Variants in CNTN6 observed in about 807,000 individuals in gnomAD.
The protein encoded by CNTN6 is contactin 6, also known as contactin-6.
A neutral mutation model predicts 122.8 loss-of-function variants in CNTN6; 137 were observed. The observed-to-expected ratio is 1.12, with a 90% confidence interval of 0.97 to 1.29. CNTN6 has a LOEUF of 1.29. Among genes scored for constraint, CNTN6 ranks in the 50% most tolerant of loss-of-function variants. The pLI is 0.00. For missense variants in CNTN6, 1,634 were observed against 1,223.4 expected (o/e 1.34, Z -5.01); for synonymous variants, 570 against 426.0 (o/e 1.34, Z -4.16).
chr3:1,195,902 T>G (rs1227139609), intron 2 of CNTN6, among the ~76,000 whole-genome samples: 1 of 152,166 alleles, frequency 6.6e-6, no homozygotes, highest in Non-Finnish European at 1.5e-5. Flanking sequence ...AAGAGAAGTT[T>G]TTTTTTTATT....
intron 1 of CNTN6, among the ~76,000 whole-genome samples, chr3:1,112,463 C>G (rs1574887882): frequency 6.6e-6 from 1 of 152,084 alleles, no homozygotes. Flanking sequence ...AACCTGAGAA[C>G]CTGGAGTGCT....
intron 2 of CNTN6, among the ~76,000 whole-genome samples, chr3:1,168,373 AC>A (rs2125281346): frequency 6.7e-6 from 1 of 148,398 alleles, no homozygotes; most frequent in Admixed American, 6.9e-5. Flanking sequence ...TGAGCAGTGC[AC>A]ATCTAGTATG....
At chr3:1,392,774 G>T (rs1304935482) in intron 20 of CNTN6, among the ~76,000 whole-genome samples, 1 of 141,382 alleles carries the variant, frequency 7.1e-6, no homozygotes, top group African/African-American at 2.6e-5. Context: ...CTCAAAAGAA[G>T]ACATTTATGC....
intron 2 of CNTN6, among the ~76,000 whole-genome samples, chr3:1,156,908 C>A (rs541243292): frequency 6.6e-6 from 1 of 151,980 alleles, no homozygotes; most frequent in East Asian, 1.9e-4. Context: ...GTAGAGACTG[C>A]CTCTCACTGT....
At chr3:1,374,235 G>A (rs1326156129) in intron 16 of CNTN6, among the ~76,000 whole-genome samples, 162 bp downstream of exon 16, 1 of 152,000 alleles carries the variant, frequency 6.6e-6, no homozygotes, top group Non-Finnish European at 1.5e-5. Flanking sequence ...CACAAGGCAA[G>A]GTGTATTTTC....
intron 12 of CNTN6, among the ~76,000 whole-genome samples, chr3:1,354,449 A>T (rs867918040): frequency 3.3e-5 from 5 of 150,492 alleles, no homozygotes; most frequent in Admixed American, 2.7e-4. Flanking sequence ...AAACAAAATT[A>T]TCCCACTAGG....
At position 1,322,564 on chromosome 3, in the gene CNTN6, A is replaced by C. The variant is rs1281720346; in HGVS notation, c.946+730A>C. On this transcript the variant is annotated intron_variant, in intron 8 of 22. Transcript: ENST00000446702. ...TAGATAATTTTTAAAAAGTATTGAT[A>C]TATGGCCAAAATACTTTCCTATGTG... Among the ~76,000 whole-genome samples the C allele has an allele frequency of 2.6e-5, 4 of 151,880 alleles. 1 individual carries two copies. The highest frequency in any genetic ancestry group is 1.3e-4 in the Admixed American group (2 of 15,194).
chr3:1,297,370 A>G (rs1345518613), intron 6 of CNTN6, among the ~76,000 whole-genome samples: 1 of 152,174 alleles, frequency 6.6e-6, no homozygotes, highest in Non-Finnish European at 1.5e-5. Context: ...GTGTATTTAC[A>G]ATAGGTTATA....
At chr3:1,329,686 C>A in intron 10 of CNTN6, 99 bp from the exon 11 acceptor site, 1 of 978,338 alleles carries the variant, frequency 1.0e-6, no homozygotes, top group South Asian at 2.0e-5. Flanking sequence ...GAGGATACAG[C>A]TATAAATATT....
At chr3:1,304,420 A>G (rs915370088) in intron 7 of CNTN6, among the ~76,000 whole-genome samples, 1 of 152,226 alleles carries the variant, frequency 6.6e-6, no homozygotes, top group Non-Finnish European at 1.5e-5. Flanking sequence ...TGGGATTCAA[A>G]TCTACATCTC....
At chr3:1,268,645 C>A (rs902351070) in intron 4 of CNTN6, among the ~76,000 whole-genome samples, 3 of 150,262 alleles carry the variant, frequency 2.0e-5, no homozygotes, top group Non-Finnish European at 4.4e-5. Flanking sequence ...TGTGGCAGTT[C>A]TTGGAATAAA....
intron 5 of CNTN6, among the ~76,000 whole-genome samples, chr3:1,284,756 C>T (rs998146087): frequency 2.0e-5 from 3 of 152,224 alleles, no homozygotes; most frequent in Middle Eastern, 3.4e-3. Flanking sequence ...GGTTTCACTG[C>T]TATTTGAGCA....
intron 20 of CNTN6, among the ~76,000 whole-genome samples, chr3:1,387,994 C>T (rs540951544): frequency 5.3e-5 from 8 of 152,134 alleles, no homozygotes; most frequent in Admixed American, 1.3e-4. Context: ...GAGGGGCGCC[C>T]GCCATTGGCC....
intron 7 of CNTN6, among the ~76,000 whole-genome samples, chr3:1,319,134 T>C (rs914094429): frequency 6.6e-5 from 10 of 151,628 alleles, no homozygotes; most frequent in Non-Finnish European, 1.3e-4. Flanking sequence ...GATCCACTTT[T>C]GTAAAGTAAC....
intron 5 of CNTN6, among the ~76,000 whole-genome samples, chr3:1,280,534 G>C (rs1693213002): frequency 7.5e-6 from 1 of 133,472 alleles, no homozygotes; most frequent in Admixed American, 8.7e-5. Context: ...GCTCGATCTT[G>C]GCTCACTGCA....
rs377238625 is a variant in CNTN6, at chr3:1,372,823, C to A, written c.1669-15C>A. 8.1e-6 allele frequency: 12 copies of A among 1,477,782 alleles called. No homozygotes were observed. Among genetic ancestry groups the A allele is most frequent in the Non-Finnish European group, 8.4e-6 (9 of 1,066,524 alleles). 91.5% of individuals were successfully genotyped at this position (1,477,782 alleles called of 1,614,324 possible). A position where few individuals can be genotyped will look rare whatever the true frequency, so the allele number is the denominator to read the frequency against. ...GGGCTTACGTTTTTATCCATTTCTC[C>A]CTTTCTGTCTGCAGGAATCTGTTGG... On this transcript the variant is annotated splice_polypyrimidine_tract_variant and intron_variant, in intron 13 of 22. Coordinates refer to ENST00000446702, the MANE Select transcript of CNTN6 (RefSeq NM_001289080.2).
At chr3:1,222,696 C>T (rs1380875972) in intron 3 of CNTN6, among the ~76,000 whole-genome samples, 1 of 151,810 alleles carries the variant, frequency 6.6e-6, no homozygotes, top group African/African-American at 2.4e-5. Flanking sequence ...CCTGGTTTGG[C>T]TCATTTCTTT....
intron 2 of CNTN6, among the ~76,000 whole-genome samples, chr3:1,207,906 C>CA (rs2093980048): frequency 6.6e-6 from 1 of 152,076 alleles, no homozygotes; most frequent in East Asian, 1.9e-4. Flanking sequence ...AACATACATG[C>CA]ATTCTTCCAT....
chr3:1,236,558 C>T (rs1176467057), intron 4 of CNTN6, among the ~76,000 whole-genome samples: 1 of 152,150 alleles, frequency 6.6e-6, no homozygotes, highest in Admixed American at 6.5e-5. Flanking sequence ...GGGAGCACCC[C>T]ATGGGACAAA....
Sources: allele counts gnomAD v4.1 joint callset (sites outside exome capture counted in the v4.1 genomes callset), GRCh38; gene constraint gnomAD v4.1.1; transcripts MANE v1.5; gene names NCBI Gene and HGNC (gene_info 2026-07-23, HGNC 2026-07-21).